Variants in SMG7 observed in about 807,000 individuals in gnomAD.
SMG7 encodes the protein SMG7 nonsense mediated mRNA decay factor.
In SMG7, 34 loss-of-function variants were observed where a neutral mutation model predicts 148.2. That is an observed-to-expected ratio of 0.23 (90% CI 0.17 to 0.31). The LOEUF is 0.31. SMG7 is among the 10% of genes least tolerant of loss of function. The pLI is 1.00. For synonymous variants in SMG7, 492 were observed against 515.1 expected, an observed-to-expected ratio of 0.96 and a Z score of 0.61; for missense variants, 1,114 against 1,408.4, an observed-to-expected ratio of 0.79 and a Z score of 3.35.
chr1:183,553,215 T>C lies in SMG7; in HGVS notation c.*1284T>C. ...AAAGGAAAATAAACTCTTTGTATGA[T>C]ATTTATTAGGAGGAAAGAGGACTGA... On this transcript the variant is annotated 3_prime_UTR_variant, in exon 23 of 23. Coordinates refer to ENST00000688051, the MANE Select transcript of SMG7 (RefSeq NM_001375584.1). The C allele has an allele frequency of 6.5e-7, 1 of 1,526,914 alleles. No homozygotes were observed. The highest frequency in any genetic ancestry group is 8.8e-7 in the Non-Finnish European group (1 of 1,139,250). 94.6% of individuals were successfully genotyped at this position (1,526,914 alleles called of 1,614,324 possible). A position where few individuals can be genotyped will look rare whatever the true frequency, so the allele number is the denominator to read the frequency against.
intron 12 of SMG7, among the ~76,000 whole-genome samples, chr1:183,540,115 C>G (rs1327866878): frequency 6.6e-6 from 1 of 152,074 alleles, no homozygotes; most frequent in South Asian, 2.1e-4. Flanking sequence ...TATTTTTATT[C>G]CTCCACACCT....
At chr1:183,536,180 A>G (rs1344385246) in intron 10 of SMG7, among the ~76,000 whole-genome samples, 1 of 152,044 alleles carries the variant, frequency 6.6e-6, no homozygotes, top group East Asian at 1.9e-4. Flanking sequence ...CATATTAAGG[A>G]GAATGTGATT....
At chr1:183,537,744 A>G (rs1668051204) in intron 11 of SMG7, among the ~76,000 whole-genome samples, 1 of 152,220 alleles carries the variant, frequency 6.6e-6, no homozygotes, top group Admixed American at 6.5e-5. Flanking sequence ...GTCATTAAGC[A>G]TTTTGAAAAC....
chr1:183,536,524 GAC>G (rs1371033655), intron 10 of SMG7, among the ~76,000 whole-genome samples: 1 of 152,074 alleles, frequency 6.6e-6, no homozygotes, highest in East Asian at 1.9e-4. Context: ...AGGAACCAAG[GAC>G]ACAGTTAACA....
At chr1:183,525,702 A>G (rs1665698390) in intron 4 of SMG7, among the ~76,000 whole-genome samples, 1 of 152,174 alleles carries the variant, frequency 6.6e-6, no homozygotes, top group African/African-American at 2.4e-5. Flanking sequence ...ATAGGCACAC[A>G]TAGGCAGAAG....
chr1:183,477,493 CAT>C (rs1349746945), intron 1 of SMG7, among the ~76,000 whole-genome samples: 5 of 142,322 alleles, frequency 3.5e-5, no homozygotes, highest in South Asian at 2.3e-4. Context: ...CACGTGTGTG[CAT>C]ATGTGTATAT....
In SMG7 at chr1:183,552,044, G is replaced by T; in HGVS notation, c.*113G>T. 1 of 1,394,862 alleles carries T rather than the reference G, an allele frequency of 7.2e-7. No homozygotes were observed. The highest frequency in any genetic ancestry group is 9.4e-7 in the Non-Finnish European group (1 of 1,060,944). The allele number at this position is 1,394,862 out of a possible 1,614,324, so 86.4% of individuals were successfully genotyped here. A position where few individuals can be genotyped will look rare whatever the true frequency, so the allele number is the denominator to read the frequency against. On this transcript the variant is annotated 3_prime_UTR_variant, in exon 23 of 23. Transcript: ENST00000688051. The stretch of plus-strand genomic sequence containing the variant: ...GCAGCCCTCTTTTCTGTTTCTCGCT[G>T]TCAAGAGGGTGTAAGTATTCCACCA...
At chr1:183,502,653 AT>A (rs1659997385) in intron 1 of SMG7, among the ~76,000 whole-genome samples, 1 of 152,168 alleles carries the variant, frequency 6.6e-6, no homozygotes, top group South Asian at 2.1e-4. Flanking sequence ...ATTTTTAAAA[AT>A]TTTGTTTTAT....
intron 1 of SMG7, among the ~76,000 whole-genome samples, chr1:183,475,037 G>T (rs1651799566): frequency 6.6e-6 from 1 of 152,190 alleles, no homozygotes; most frequent in African/African-American, 2.4e-5. Flanking sequence ...TACACATGAG[G>T]AATGTAAGCC....
rs376413152 is a variant in SMG7 at position 183,546,022 on chromosome 1, A to G, written c.2427A>G (p.Pro809=). The G allele has an allele frequency of 5.6e-6, 9 of 1,613,836 alleles. No individual in the cohort carries two copies. Among genetic ancestry groups the G allele is most frequent in the Non-Finnish European group, 6.8e-6 (8 of 1,179,944 alleles). The change falls in exon 17 of 23, where the codon CCA becomes CCG. Residue 809 remains proline (P), a synonymous_variant. Coordinates refer to ENST00000688051, the MANE Select transcript of SMG7 (RefSeq NM_001375584.1). ...GGAATCCCCCTCAGGTTCAAGGCCCATTAGGGAAAATTATGCCTGTGAAAC... is the reference window on the plus strand; with the variant it reads ...GGAATCCCCCTCAGGTTCAAGGCCCGTTAGGGAAAATTATGCCTGTGAAAC... ...QLWNPPQVQG[P]LGKIMPVKQP...
At position 183,552,440 on chromosome 1, in the gene SMG7, T is replaced by C. The variant is rs202032795; in HGVS notation, c.*509T>C. On this transcript the variant is annotated 3_prime_UTR_variant, in exon 23 of 23. Coordinates refer to ENST00000688051, the MANE Select transcript of SMG7 (RefSeq NM_001375584.1). Reference sequence around the variant, plus strand: ...TAAAATATCACACTGAATTCTTCCATACACAGGTGTGCTTCTAGTCAGTGT... The same window carrying C: ...TAAAATATCACACTGAATTCTTCCACACACAGGTGTGCTTCTAGTCAGTGT... 2.0e-5 allele frequency: 20 copies of C among 992,354 alleles called. No homozygotes were observed. Among genetic ancestry groups the C allele is most frequent in the Non-Finnish European group, 2.4e-5 (20 of 833,860 alleles). The allele number at this position is 992,354 out of a possible 1,614,324, so 61.5% of individuals were successfully genotyped here.
Position 183,551,869 on chromosome 1 carries a change from C to T in SMG7, c.3502C>T (p.Leu1168=), listed in dbSNP as rs1287505779. The change falls in exon 23 of 23, where the codon CTG becomes TTG. Residue 1168 remains leucine, a synonymous_variant. Coordinates refer to ENST00000688051, the MANE Select transcript of SMG7 (RefSeq NM_001375584.1). ...MHPGPSALEQ[L]LMQQKQKQQR... is the part of the protein sequence containing the mutation. Reference sequence around the variant, plus strand: ...TCCTGGACCTTCTGCTCTGGAGCAGCTGTTAATGCAGCAGAAGCAGAAACA... The same window carrying T: ...TCCTGGACCTTCTGCTCTGGAGCAGTTGTTAATGCAGCAGAAGCAGAAACA... The T allele has an allele frequency of 6.2e-7, 1 of 1,613,698 alleles. No homozygotes were observed. The highest frequency in any genetic ancestry group is 2.2e-5 in the East Asian group (1 of 44,862).
At chr1:183,503,968 A>T (rs12408040) in intron 1 of SMG7, among the ~76,000 whole-genome samples, 27 of 152,322 alleles carry the variant, frequency 1.8e-4, no homozygotes, top group Non-Finnish European at 2.9e-4. Context: ...TTCATATTTT[A>T]TCACTCAATA....
chr1:183,529,322 G>T, intron 7 of SMG7, 76 bp from the exon 8 acceptor site: 1 of 1,506,668 alleles, frequency 6.6e-7, no homozygotes, highest in Non-Finnish European at 9.0e-7. Context: ...CAAGTATTTA[G>T]CAAGCCAGTG....
At chr1:183,514,083 A>G (rs1224282928) in intron 2 of SMG7, among the ~76,000 whole-genome samples, 3 of 151,614 alleles carry the variant, frequency 2.0e-5, no homozygotes, top group African/African-American at 7.3e-5. Flanking sequence ...ATTAGGAAAT[A>G]TGTTGTAATC....
intron 1 of SMG7, among the ~76,000 whole-genome samples, chr1:183,479,836 G>T (rs1653630623): frequency 6.6e-6 from 1 of 152,064 alleles, no homozygotes; most frequent in African/African-American, 2.4e-5. Context: ...GGTGAGATTT[G>T]GTTTGTACAT....
intron 1 of SMG7, among the ~76,000 whole-genome samples, chr1:183,498,021 G>GT (rs1295449601): frequency 1.3e-5 from 2 of 152,114 alleles, no homozygotes; most frequent in African/African-American, 2.4e-5. Context: ...AGTATCTTTT[G>GT]TTTTTCAGTT....
intron 1 of SMG7, among the ~76,000 whole-genome samples, chr1:183,503,873 A>G (rs546690792): frequency 2.0e-5 from 3 of 152,374 alleles, no homozygotes; most frequent in African/African-American, 4.8e-5. Flanking sequence ...AGATAGCATT[A>G]CTAATTTGTA....
chr1:183,496,627 T>C (rs1006961050), intron 1 of SMG7, among the ~76,000 whole-genome samples: 1 of 152,216 alleles, frequency 6.6e-6, no homozygotes, highest in Non-Finnish European at 1.5e-5. Context: ...TTTTTCTTTA[T>C]TTGGCTTCTG....
Sources: allele counts gnomAD v4.1 joint callset (sites outside exome capture counted in the v4.1 genomes callset), GRCh38; gene constraint gnomAD v4.1.1; transcripts MANE v1.5; gene names NCBI Gene and HGNC (gene_info 2026-07-23, HGNC 2026-07-21).